Variants in SLC12A7 observed in about 807,000 individuals in gnomAD.
SLC12A7 encodes the protein K-Cl cotransporter 4.
A neutral mutation model predicts 120.6 loss-of-function variants in SLC12A7; 100 were observed. That is an observed-to-expected ratio of 0.83 (90% CI 0.71 to 0.98). The LOEUF is 0.98. Among genes scored for constraint, SLC12A7 ranks in the 50% least tolerant of loss-of-function variants. The pLI, the probability that SLC12A7 is intolerant of heterozygous loss-of-function variation, is 0.00. For synonymous variants in SLC12A7, 760 were observed against 678.0 expected, an observed-to-expected ratio of 1.12 and a Z score of -1.88; for missense variants, 1,373 against 1,548.1, an observed-to-expected ratio of 0.89 and a Z score of 1.90.
intron 17 of SLC12A7, among the ~76,000 whole-genome samples, chr5:1,073,405 G>A (rs565577368): frequency 4.9e-4 from 74 of 152,296 alleles, no homozygotes; most frequent in African/African-American, 9.9e-4. Flanking sequence ...CCCAGGGTTC[G>A]CCCTTGGAAA....
At chr5:1,054,797 C>T (rs1463234355) in intron 22 of SLC12A7, among the ~76,000 whole-genome samples, 1 of 152,246 alleles carries the variant, frequency 6.6e-6, no homozygotes, top group Non-Finnish European at 1.5e-5. Flanking sequence ...AGGAGGAACA[C>T]AGGGAGAGAC....
At chr5:1,133,176 A>G in the SLC12A7 span, among the ~76,000 whole-genome samples, 2 of 152,206 alleles carry the variant, frequency 1.3e-5, no homozygotes, top group African/African-American at 4.8e-5. Flanking sequence ...TTGGCTTCCC[A>G]AAGTGCTGAG....
chr5:1,073,729 C>T lies in SLC12A7; in HGVS notation c.2145G>A (p.Thr715=), dbSNP rs769411204. The change falls in exon 17 of 24, where the codon ACG becomes ACA. Residue 715 remains threonine, a synonymous_variant. Coordinates refer to ENST00000264930, the MANE Select transcript of SLC12A7 (RefSeq NM_006598.3). ...AVKHPRLLSF[T]SQLKAGKGLT... is the part of the protein sequence containing the mutation. The stretch of plus-strand genomic sequence containing the variant: ...GGCCCTTGCCGGCCTTCAGCTGCGA[C>T]GTGAAGGACAGCAGGCGGGGGTGCT... 25 of 1,575,824 alleles carry T rather than the reference C, an allele frequency of 1.6e-5. No individual in the cohort carries two copies. Among genetic ancestry groups the T allele is most frequent in the South Asian group, 1.5e-4 (13 of 86,948 alleles).
intron 20 of SLC12A7, among the ~76,000 whole-genome samples, chr5:1,061,943 T>C (rs544545490): frequency 2.6e-5 from 4 of 152,166 alleles, no homozygotes; most frequent in Admixed American, 2.6e-4. Context: ...AAAACTTTTT[T>C]TAAAAAAATA....
At chr5:1,079,717 G>A (rs1179700015) in intron 9 of SLC12A7, among the ~76,000 whole-genome samples, 1 of 152,160 alleles carries the variant, frequency 6.6e-6, no homozygotes, top group African/African-American at 2.4e-5. Context: ...CTGCTCCCCT[G>A]GATCCGAGGA....
the SLC12A7 span, among the ~76,000 whole-genome samples, chr5:1,122,636 T>A: frequency 6.6e-6 from 1 of 152,232 alleles, no homozygotes; most frequent in East Asian, 1.9e-4. Context: ...CCTGCCATTC[T>A]GCGTTCGGTC....
At chr5:1,081,113 GAA>G (rs56033432) in intron 9 of SLC12A7, among the ~76,000 whole-genome samples, 138,205 of 151,168 alleles carry the variant, frequency 0.91, 64,361 homozygotes, top group East Asian at 1. Flanking sequence ...GGGGGAGAGA[GAA>G]AGAGTGCCGG....
At chr5:1,155,554 G>T in the SLC12A7 span, among the ~76,000 whole-genome samples, 2 of 151,492 alleles carry the variant, frequency 1.3e-5, no homozygotes, top group African/African-American at 4.8e-5. Context: ...CCGCTGGGCT[G>T]GGGGGACCCC....
At chr5:1,138,290 C>T in the SLC12A7 span, among the ~76,000 whole-genome samples, 1 of 152,186 alleles carries the variant, frequency 6.6e-6, no homozygotes, top group Non-Finnish European at 1.5e-5. Context: ...CTTTTATTCC[C>T]TTATTTGACC....
intron 9 of SLC12A7, 125 bp downstream of exon 9, chr5:1,081,452 G>C (rs1391439127): frequency 1.0e-6 from 1 of 992,666 alleles, no homozygotes; most frequent in East Asian, 2.6e-5. Context: ...GTGTCTAGGA[G>C]TTGAGGCTGC....
chr5:1,112,304 C>A (rs1476689754), upstream of SLC12A7, among the ~76,000 whole-genome samples: 1 of 128,220 alleles, frequency 7.8e-6, no homozygotes, highest in Non-Finnish European at 1.7e-5. Flanking sequence ...CCTGCTCCAG[C>A]CCCCTGCCCC....
At chr5:1,058,248 C>T (rs945356122) in intron 21 of SLC12A7, among the ~76,000 whole-genome samples, 1 of 152,248 alleles carries the variant, frequency 6.6e-6, no homozygotes, top group Non-Finnish European at 1.5e-5. Context: ...CTGTAGGCGC[C>T]GAAGGGGAAG....
chr5:1,075,142 A>G (rs1471397803), intron 15 of SLC12A7, among the ~76,000 whole-genome samples: 2 of 152,204 alleles, frequency 1.3e-5, no homozygotes, highest in Non-Finnish European at 2.9e-5. Context: ...ACAGAGCTCC[A>G]GGCTGGAGAC....
At chr5:1,112,249 C>T (rs946582838), upstream of SLC12A7, among the ~76,000 whole-genome samples, 4 of 151,732 alleles carry the variant, frequency 2.6e-5, no homozygotes, top group Admixed American at 6.6e-5. Flanking sequence ...GCGCTCCCGA[C>T]CATCGCAGAG....
At chr5:1,091,148 C>A (rs1263495921) in intron 3 of SLC12A7, among the ~76,000 whole-genome samples, 1 of 152,234 alleles carries the variant, frequency 6.6e-6, no homozygotes, top group African/African-American at 2.4e-5. Context: ...CCCTGAGGGA[C>A]AGAGGCCTGA....
In SLC12A7 at chr5:1,076,064, C is replaced by T. The variant is rs536758925; in HGVS notation, c.1847+74G>A. The T allele has an allele frequency of 2.5e-4, 308 of 1,247,532 alleles. 5 individuals carry two copies. In the South Asian group the frequency reaches 2.8e-3, roughly 11 times the overall value. The allele number at this position is 1,247,532 out of a possible 1,614,324, so 77.3% of individuals were successfully genotyped here. ...TGGGGCTCCTGACGCCTGTGCTGAG[C>T]GGCCTCACCAGTGGCAGAGGCACCC... On this transcript the variant is annotated intron_variant, in intron 14 of 23. Coordinates refer to ENST00000264930, the MANE Select transcript of SLC12A7 (RefSeq NM_006598.3).
chr5:1,076,667 C>A, intron 13 of SLC12A7, 27 bp downstream of exon 13: 1 of 1,566,576 alleles, frequency 6.4e-7, no homozygotes, highest in East Asian at 2.2e-5. Flanking sequence ...ACACCCATCC[C>A]CAGGTCCCCG....
chr5:1,129,744 A>G, the SLC12A7 span, among the ~76,000 whole-genome samples: 1 of 152,188 alleles, frequency 6.6e-6, no homozygotes, highest in African/African-American at 2.4e-5. Context: ...TAATTTCTGG[A>G]TATGATTAAA....
chr5:1,085,219 C>T lies in SLC12A7; in HGVS notation c.917+13G>A. On this transcript the variant is annotated intron_variant, in intron 7 of 23. Transcript: ENST00000264930. Reference sequence around the variant, plus strand: ...CCCACACCCACCCACGGCTCAGAGGCCCCGAGACTCACGGGATGTCCGGGG... The same window carrying T: ...CCCACACCCACCCACGGCTCAGAGGTCCCGAGACTCACGGGATGTCCGGGG... The T allele has an allele frequency of 1.2e-6, 2 of 1,611,310 alleles. No homozygotes were observed. Among genetic ancestry groups the T allele is most frequent in the Admixed American group, 3.3e-5 (2 of 59,914 alleles).
Sources: allele counts gnomAD v4.1 joint callset (sites outside exome capture counted in the v4.1 genomes callset), GRCh38; gene constraint gnomAD v4.1.1; transcripts MANE v1.5; gene names NCBI Gene and HGNC (gene_info 2026-07-23, HGNC 2026-07-21).